The following MGMT variants were observed in gnomAD, a reference collection of about 807,000 sequenced individuals.
MGMT encodes the protein methylated-DNA--protein-cysteine methyltransferase.
In MGMT, 14 loss-of-function variants were observed where a neutral mutation model predicts 15.9. That is an observed-to-expected ratio of 0.88 (90% confidence interval 0.58 to 1.37). MGMT has a LOEUF of 1.37. Ranked by LOEUF, MGMT falls within the 40% of genes most tolerant of loss-of-function variation. The pLI is 0.00. For missense variants in MGMT, 282 were observed against 268.1 expected, an observed-to-expected ratio of 1.05 and a Z score of -0.36; for synonymous variants, 130 against 118.2, an observed-to-expected ratio of 1.10 and a Z score of -0.65.
chr10:129,478,861 T>TTTTA (rs138841703), intron 1 of MGMT, among the ~76,000 whole-genome samples: 9,446 of 152,188 alleles, frequency 0.062, 980 homozygotes, highest in African/African-American at 0.22. Context: ...CTTCGTTATC[T>TTTTA]TTTATTTATT....
At chr10:129,517,744 A>C (rs1845754908) in intron 1 of MGMT, among the ~76,000 whole-genome samples, 1 of 152,166 alleles carries the variant, frequency 6.6e-6, no homozygotes, top group South Asian at 2.1e-4. Flanking sequence ...GCTGAGGCCC[A>C]GACCAGCTTC....
At chr10:129,544,827 C>A (rs1589859305) in intron 2 of MGMT, among the ~76,000 whole-genome samples, 1 of 150,970 alleles carries the variant, frequency 6.6e-6, no homozygotes, top group African/African-American at 2.5e-5. Flanking sequence ...GTTCAATGAA[C>A]CCCTGTGAGA....
chr10:129,660,860 G>A (rs946957106), intron 2 of MGMT, among the ~76,000 whole-genome samples: 5 of 151,970 alleles, frequency 3.3e-5, no homozygotes, highest in African/African-American at 7.3e-5. Flanking sequence ...GGGAATGTTC[G>A]TATGTCACTG....
At chr10:129,487,115 C>T (rs925782765) in intron 1 of MGMT, among the ~76,000 whole-genome samples, 34 of 152,102 alleles carry the variant, frequency 2.2e-4, no homozygotes, top group African/African-American at 8.0e-4. Context: ...TGAGATGACA[C>T]TTTTCCTGAA....
intron 3 of MGMT, among the ~76,000 whole-genome samples, chr10:129,737,882 G>A (rs1848582864): frequency 6.6e-6 from 1 of 152,208 alleles, no homozygotes. Flanking sequence ...CAGGGGTCAG[G>A]GACCCACTTG....
rs528076763 is a variant in MGMT at position 129,653,893 on chromosome 10, G to A, written c.126-54002G>A. ...AGAAGCATGAGGAGGACCCTGTGCT[G>A]GGGATGAGAGGAGAGCGGCCCTGCA... On this transcript the variant is annotated intron_variant, in intron 2 of 4. Transcript: ENST00000651593. Among the ~76,000 whole-genome samples the A allele has an allele frequency of 3.3e-5, 5 of 152,310 alleles. No individual in the cohort carries two copies. In the East Asian group the frequency reaches 9.7e-4, roughly 29 times the overall value.
At chr10:129,483,638 T>C (rs1269913039) in intron 1 of MGMT, among the ~76,000 whole-genome samples, 2 of 152,186 alleles carry the variant, frequency 1.3e-5, no homozygotes, top group Non-Finnish European at 1.5e-5. Context: ...CTTAAATTTG[T>C]TCTTCTGTAT....
At chr10:129,638,451 A>AAAAAAAAAAAAAAAAAAAAAAAC in intron 2 of MGMT, among the ~76,000 whole-genome samples, 1 of 149,904 alleles carries the variant, frequency 6.7e-6, no homozygotes, top group Non-Finnish European at 1.5e-5. Flanking sequence ...AAAAAGAAAA[A>AAAAAAAAAAAAAAAAAAAAAAAC]AAAAAGAAAA....
At chr10:129,534,695 C>A (rs892115001) in intron 1 of MGMT, among the ~76,000 whole-genome samples, 7 of 151,518 alleles carry the variant, frequency 4.6e-5, no homozygotes, top group Admixed American at 4.6e-4. Flanking sequence ...GATAGGAGAC[C>A]AGGCAGCAAG....
At chr10:129,746,238 C>CAA (rs57022839) in intron 3 of MGMT, among the ~76,000 whole-genome samples, 15 of 104,868 alleles carry the variant, frequency 1.4e-4, no homozygotes, top group Non-Finnish European at 1.8e-4. Flanking sequence ...GACTCTGTCT[C>CAA]AAAAAAAAAA....
intron 3 of MGMT, among the ~76,000 whole-genome samples, chr10:129,747,011 G>C (rs1301589475): frequency 6.6e-6 from 1 of 152,052 alleles, no homozygotes; most frequent in Non-Finnish European, 1.5e-5. Flanking sequence ...TACTTTTTCA[G>C]CATTTTGTAA....
chr10:129,721,939 G>T (rs1848376824), intron 3 of MGMT, among the ~76,000 whole-genome samples: 1 of 152,060 alleles, frequency 6.6e-6, no homozygotes, highest in Non-Finnish European at 1.5e-5. Context: ...TACATTAAAT[G>T]TAAATGTTTT....
intron 2 of MGMT, among the ~76,000 whole-genome samples, chr10:129,633,678 A>T (rs545743971): frequency 5.3e-5 from 8 of 152,222 alleles, no homozygotes; most frequent in Non-Finnish European, 1.0e-4. Context: ...TAGTGCTGAT[A>T]CTTGGTGAGC....
At chr10:129,740,335 C>T (rs1848616975) in intron 3 of MGMT, among the ~76,000 whole-genome samples, 1 of 152,096 alleles carries the variant, frequency 6.6e-6, no homozygotes, top group African/African-American at 2.4e-5. Context: ...TGAGAGAGGC[C>T]ATCTGGGGGT....
At chr10:129,677,708 G>A in intron 2 of MGMT, among the ~76,000 whole-genome samples, 1 of 152,234 alleles carries the variant, frequency 6.6e-6, no homozygotes, top group East Asian at 1.9e-4. Context: ...TCTGTCTGCT[G>A]GGAGGAGGTA....
chr10:129,679,475 C>T (rs77705384), intron 2 of MGMT, among the ~76,000 whole-genome samples: 13,932 of 152,114 alleles, frequency 0.092, 917 homozygotes, highest in Admixed American at 0.18. Context: ...TCCAGGGACC[C>T]GCAAAGCACA....
intron 1 of MGMT, among the ~76,000 whole-genome samples, chr10:129,519,630 C>T (rs1168277650): frequency 2.0e-5 from 3 of 152,192 alleles, no homozygotes; most frequent in Non-Finnish European, 4.4e-5. Context: ...TCTGGAACAC[C>T]AGGCTCTTCC....
Position 129,678,827 on chromosome 10 carries a change from T to G in MGMT, c.126-29068T>G, listed in dbSNP as rs142934201. 3.3e-3 allele frequency among the ~76,000 whole-genome samples: 502 copies of G among 152,178 alleles called. 2 individuals carry two copies. Among genetic ancestry groups the G allele is most frequent in the African/African-American group, 0.011 (469 of 41,516 alleles). ...TGGCTCATGCCTGTGGTCCCAGCAC[T>G]TTGGGAGGCCGAGGTGGGTAGATCA... On this transcript the variant is annotated intron_variant, in intron 2 of 4. Transcript: ENST00000651593.
At chr10:129,507,964 C>T (rs1468890110) in intron 1 of MGMT, among the ~76,000 whole-genome samples, 1 of 152,176 alleles carries the variant, frequency 6.6e-6, no homozygotes, top group Non-Finnish European at 1.5e-5. Context: ...CCACTGGATT[C>T]TGGGTGGGAT....
Sources: allele counts gnomAD v4.1 joint callset (sites outside exome capture counted in the v4.1 genomes callset), GRCh38; gene constraint gnomAD v4.1.1; transcripts MANE v1.5; gene names NCBI Gene and HGNC (gene_info 2026-07-23, HGNC 2026-07-21).